MIS18A: variants seen among roughly 807,000 people sequenced by gnomAD.
MIS18A encodes protein Mis18-alpha.
A neutral mutation model predicts 25.0 loss-of-function variants in MIS18A; 14 were observed. That is an observed-to-expected ratio of 0.56 (90% CI 0.37 to 0.88). The LOEUF (loss-of-function observed/expected upper bound fraction) is 0.88. Ranked by LOEUF, MIS18A falls within the 40% of genes least tolerant of loss-of-function variation. MIS18A has a pLI of 0.00. For synonymous variants in MIS18A, 134 were observed against 118.6 expected (o/e 1.13, Z -0.84); for missense variants, 292 against 290.8 (o/e 1.00, Z -0.03).
chr21:32,166,624 C>T, the MIS18A span, among the ~76,000 whole-genome samples: 2 of 151,928 alleles, frequency 1.3e-5, no homozygotes, highest in Middle Eastern at 6.3e-3. Flanking sequence ...TGCTAAATTG[C>T]AATCCAAAGC....
chr21:32,188,082 A>C, the MIS18A span, among the ~76,000 whole-genome samples: 1 of 152,146 alleles, frequency 6.6e-6, no homozygotes, highest in Non-Finnish European at 1.5e-5. Flanking sequence ...TCTGCAAGCC[A>C]AGAAAAGGGC....
At chr21:32,160,006 G>T in the MIS18A span, among the ~76,000 whole-genome samples, 2,200 of 152,270 alleles carry the variant, frequency 0.014, 53 homozygotes, top group African/African-American at 0.05. Flanking sequence ...GAAAACCAAG[G>T]GGAAAGGGGA....
the MIS18A span, among the ~76,000 whole-genome samples, chr21:32,251,607 T>C: frequency 1.3e-5 from 2 of 152,230 alleles, no homozygotes; most frequent in African/African-American, 4.8e-5. Flanking sequence ...ATATCTCTTC[T>C]TGAACTTGTC....
chr21:32,188,003 G>GTCTGTCTCTCTCTCTC, the MIS18A span, among the ~76,000 whole-genome samples: 1 of 149,994 alleles, frequency 6.7e-6, no homozygotes, highest in East Asian at 2.0e-4. Flanking sequence ...CTCCCTTTCT[G>GTCTGTCTCTCTCTCTC]TCTCTCTCTC....
chr21:32,269,767 T>G lies in MIS18A; in HGVS notation c.561A>C (p.Ser187=). Residue 187 remains serine (S), a synonymous_variant, in exon 4 of 5, where the codon TCA becomes TCC. Coordinates refer to ENST00000290130, the MANE Select transcript of MIS18A (RefSeq NM_018944.3). The stretch of plus-strand genomic sequence containing the variant: ...CAAGATTAAAAAGCTCTTTATCTTC[T>G]GACACAATTTGCTTTTCAGAGGACC... ...VLGSSEKQIV[S]EDKELFNLES... The G allele has an allele frequency of 6.2e-7, 1 of 1,612,024 alleles. No homozygotes were observed. Among genetic ancestry groups the G allele is most frequent in the Non-Finnish European group, 8.5e-7 (1 of 1,178,018 alleles).
the MIS18A span, among the ~76,000 whole-genome samples, chr21:32,259,276 T>A: frequency 6.6e-6 from 1 of 152,094 alleles, no homozygotes; most frequent in Non-Finnish European, 1.5e-5. Context: ...GCCTCCTCGC[T>A]CCAAGACCGC....
At chr21:32,209,556 A>C in the MIS18A span, among the ~76,000 whole-genome samples, 9 of 152,232 alleles carry the variant, frequency 5.9e-5, no homozygotes, top group Admixed American at 4.6e-4. Context: ...CTTTTGCACC[A>C]ACATAAGAAC....
chr21:32,203,161 A>G, the MIS18A span, among the ~76,000 whole-genome samples: 3 of 151,716 alleles, frequency 2.0e-5, no homozygotes, highest in Non-Finnish European at 4.4e-5. Flanking sequence ...AACAGAGACT[A>G]GAAATATAAA....
the MIS18A span, among the ~76,000 whole-genome samples, chr21:32,246,786 C>G: frequency 6.6e-6 from 1 of 152,206 alleles, no homozygotes; most frequent in Non-Finnish European, 1.5e-5. Flanking sequence ...GCCAAGCCCC[C>G]AGCAGTGTCT....
chr21:32,223,262 GA>G, the MIS18A span, among the ~76,000 whole-genome samples: 3 of 151,638 alleles, frequency 2.0e-5, no homozygotes, highest in African/African-American at 7.3e-5. Context: ...CAGAAGACAA[GA>G]AATAATTAAG....
chr21:32,157,223 A>ATTTTTTTTTTTTTTT, the MIS18A span, among the ~76,000 whole-genome samples: 74 of 72,296 alleles, frequency 1.0e-3, 6 homozygotes, highest in East Asian at 3.5e-3. Flanking sequence ...TACCCGGCTA[A>ATTTTTTTTTTTTTTT]TTTTTTTTTT....
chr21:32,209,196 C>T, the MIS18A span, among the ~76,000 whole-genome samples: 2 of 151,488 alleles, frequency 1.3e-5, no homozygotes, highest in East Asian at 1.9e-4. Flanking sequence ...AAACTGGATA[C>T]ATTCCTAGAA....
the MIS18A span, among the ~76,000 whole-genome samples, chr21:32,209,155 GA>G: frequency 0.18 from 26,514 of 148,176 alleles, 2,359 homozygotes; most frequent in East Asian, 0.24. Flanking sequence ...AATAAATTCT[GA>G]AAAAAAAAAA....
the MIS18A span, among the ~76,000 whole-genome samples, chr21:32,229,139 C>G: frequency 6.6e-6 from 1 of 152,034 alleles, no homozygotes; most frequent in East Asian, 1.9e-4. Context: ...GTTTCTTAGT[C>G]CCTTGGGATT....
the MIS18A span, among the ~76,000 whole-genome samples, chr21:32,247,586 T>A: frequency 6.6e-6 from 1 of 152,200 alleles, no homozygotes; most frequent in Admixed American, 6.5e-5. Context: ...CATATTCGGA[T>A]GTAGGGTTAT....
the MIS18A span, among the ~76,000 whole-genome samples, chr21:32,194,354 A>G: frequency 6.7e-6 from 1 of 149,432 alleles, no homozygotes; most frequent in Non-Finnish European, 1.5e-5. Context: ...ATATATATAT[A>G]GTAGATAGAT....
the MIS18A span, among the ~76,000 whole-genome samples, chr21:32,253,975 G>C: frequency 6.6e-6 from 1 of 152,188 alleles, no homozygotes; most frequent in African/African-American, 2.4e-5. Flanking sequence ...GGTGGCTCAC[G>C]CCTGTAATTC....
At chr21:32,265,939 CTTTATATCTAGCTCAGGGATTGTAAA>C (rs1974066205), downstream of MIS18A, among the ~76,000 whole-genome samples, 1 of 151,978 alleles carries the variant, frequency 6.6e-6, no homozygotes, top group Admixed American at 6.6e-5. Flanking sequence ...CATGGAGAGT[CTTTATATCTAGCTCAGGGATTGTAAA>C]TACACCAATC....
the MIS18A span, among the ~76,000 whole-genome samples, chr21:32,237,136 G>A: frequency 7.4e-6 from 1 of 135,490 alleles, no homozygotes; most frequent in Admixed American, 8.9e-5. Context: ...TCAGAAGAAA[G>A]CTATAAAGGC....
Sources: allele counts gnomAD v4.1 joint callset (sites outside exome capture counted in the v4.1 genomes callset), GRCh38; gene constraint gnomAD v4.1.1; transcripts MANE v1.5; gene names NCBI Gene and HGNC (gene_info 2026-07-23, HGNC 2026-07-21).